The following TAS2R1 variants were observed in gnomAD, a reference collection of about 807,000 sequenced individuals.
TAS2R1 encodes the protein taste 2 receptor member 1.
For synonymous variants in TAS2R1, 141 were observed against 134.2 expected, an observed-to-expected ratio of 1.05 and a Z score of -0.35; for missense variants, 370 against 353.4, an observed-to-expected ratio of 1.05 and a Z score of -0.38.
chr5:9,631,708 T>A (rs147620167), upstream of TAS2R1, among the ~76,000 whole-genome samples: 1,822 of 152,356 alleles, frequency 0.012, 20 homozygotes, highest in Middle Eastern at 0.031. Flanking sequence ...TGTCTAAATG[T>A]GTCATAAAGA....
At chr5:9,803,366 C>T in the TAS2R1 span, among the ~76,000 whole-genome samples, 1 of 152,168 alleles carries the variant, frequency 6.6e-6, no homozygotes, top group African/African-American at 2.4e-5. Context: ...GAGATCTAGA[C>T]TTCCAAATAT....
chr5:9,771,324 G>T, the TAS2R1 span, among the ~76,000 whole-genome samples: 1 of 152,140 alleles, frequency 6.6e-6, no homozygotes, highest in African/African-American at 2.4e-5. Flanking sequence ...CACACTGATT[G>T]ATTTGCATAT....
the TAS2R1 span, among the ~76,000 whole-genome samples, chr5:9,895,836 G>A: frequency 6.6e-6 from 1 of 152,190 alleles, no homozygotes; most frequent in East Asian, 1.9e-4. Flanking sequence ...AAGAAACAGA[G>A]AGTCCAGCTG....
chr5:9,851,776 T>C, the TAS2R1 span, among the ~76,000 whole-genome samples: 1 of 152,288 alleles, frequency 6.6e-6, no homozygotes, highest in Non-Finnish European at 1.5e-5. Context: ...GGGTTATAAA[T>C]ACCCATACAG....
the TAS2R1 span, among the ~76,000 whole-genome samples, chr5:9,767,923 CAA>C: frequency 5.6e-4 from 54 of 96,308 alleles, no homozygotes; most frequent in African/African-American, 1.9e-3. Flanking sequence ...GACTCCGTCT[CAA>C]AAAAAAAAAA....
chr5:9,743,120 C>A, the TAS2R1 span, among the ~76,000 whole-genome samples: 1 of 151,986 alleles, frequency 6.6e-6, no homozygotes, highest in African/African-American at 2.4e-5. Flanking sequence ...AACCAGACAA[C>A]CTGCGAAGAC....
At chr5:9,804,723 C>T in the TAS2R1 span, among the ~76,000 whole-genome samples, 1 of 152,018 alleles carries the variant, frequency 6.6e-6, no homozygotes, top group Non-Finnish European at 1.5e-5. Flanking sequence ...CTTGTCCAAA[C>T]CTCTGGGATA....
chr5:9,816,818 C>G, the TAS2R1 span, among the ~76,000 whole-genome samples: 9 of 151,996 alleles, frequency 5.9e-5, no homozygotes, highest in Non-Finnish European at 1.2e-4. Flanking sequence ...TAAATATAAC[C>G]TACTGAGCTC....
the TAS2R1 span, among the ~76,000 whole-genome samples, chr5:9,726,161 GAAC>G: frequency 6.9e-6 from 1 of 145,896 alleles, no homozygotes. Flanking sequence ...CAAGGTTTGT[GAAC>G]ACACCAATCA....
chr5:9,817,544 A>G, the TAS2R1 span, among the ~76,000 whole-genome samples: 1 of 152,204 alleles, frequency 6.6e-6, no homozygotes, highest in Non-Finnish European at 1.5e-5. Flanking sequence ...CTAGTTAGAT[A>G]GTGGTGATGG....
intron 1 of TAS2R1, among the ~76,000 whole-genome samples, chr5:9,664,170 C>T (rs1740588131): frequency 6.6e-6 from 1 of 152,142 alleles, no homozygotes; most frequent in African/African-American, 2.4e-5. Flanking sequence ...TCCCTTCCAC[C>T]TCTTCTATAT....
At chr5:9,727,772 G>A in the TAS2R1 span, among the ~76,000 whole-genome samples, 5 of 152,298 alleles carry the variant, frequency 3.3e-5, no homozygotes, top group South Asian at 4.1e-4. Context: ...AAGTGTCTGC[G>A]TGGTCGGCTT....
At chr5:9,803,788 C>T in the TAS2R1 span, among the ~76,000 whole-genome samples, 1 of 152,114 alleles carries the variant, frequency 6.6e-6, no homozygotes, top group Non-Finnish European at 1.5e-5. Context: ...AATAGAACCT[C>T]CTTAAAGCAT....
chr5:9,704,740 G>A (rs1021574357), intron 1 of TAS2R1, among the ~76,000 whole-genome samples: 3 of 152,156 alleles, frequency 2.0e-5, no homozygotes, highest in Admixed American at 2.0e-4. Flanking sequence ...CTATCAGATT[G>A]CTAAAGATTA....
chr5:9,807,401 T>A, the TAS2R1 span, among the ~76,000 whole-genome samples: 2 of 152,164 alleles, frequency 1.3e-5, no homozygotes, highest in Admixed American at 1.3e-4. Flanking sequence ...CACTACTAGG[T>A]ATCTACCCAG....
At chr5:9,720,147 A>T in the TAS2R1 span, among the ~76,000 whole-genome samples, 1 of 152,118 alleles carries the variant, frequency 6.6e-6, no homozygotes, top group Non-Finnish European at 1.5e-5. Context: ...CAAACTGGAG[A>T]GGCAGTTAAA....
chr5:9,688,830 C>T (rs1001506071), intron 1 of TAS2R1, among the ~76,000 whole-genome samples: 2 of 152,088 alleles, frequency 1.3e-5, no homozygotes, highest in Admixed American at 6.5e-5. Context: ...TTTGTAAAAG[C>T]GACTGTCTGC....
At chr5:9,633,155 A>G (rs938553798), upstream of TAS2R1, among the ~76,000 whole-genome samples, 1 of 151,408 alleles carries the variant, frequency 6.6e-6, no homozygotes, top group African/African-American at 2.4e-5. Flanking sequence ...CTCTTAGGTA[A>G]CTACTCTTAG....
the TAS2R1 span, among the ~76,000 whole-genome samples, chr5:9,758,410 C>T: frequency 6.6e-6 from 1 of 152,128 alleles, no homozygotes; most frequent in Non-Finnish European, 1.5e-5. Context: ...TAAACATAGA[C>T]ACATACGAAC....
Sources: gnomAD v4.1 joint callset for allele counts (sites outside exome capture counted in the v4.1 genomes callset) on GRCh38, gnomAD v4.1.1 for gene constraint, MANE v1.5 for transcripts, NCBI Gene and HGNC (gene_info 2026-07-23, HGNC 2026-07-21) for gene names.